CORO1C: variants seen among roughly 807,000 people sequenced by gnomAD.
CORO1C encodes coronin 1C.
A neutral mutation model predicts 51.2 loss-of-function variants in CORO1C; 14 were observed. The observed-to-expected ratio is 0.27, with a 90% confidence interval of 0.18 to 0.43. The LOEUF (loss-of-function observed/expected upper bound fraction) is 0.43, where lower values mean the gene tolerates loss of function less well. Ranked by LOEUF, CORO1C falls within the 20% of genes least tolerant of loss-of-function variation. CORO1C has a pLI of 1.00. For synonymous variants in CORO1C, 181 were observed against 210.5 expected (o/e 0.86, Z 1.21); for missense variants, 417 against 607.8 (o/e 0.69, Z 3.30).
chr12:108,649,270 T>G, intron 8 of CORO1C: 2 of 535,950 alleles, frequency 3.7e-6, no homozygotes, highest in East Asian at 3.2e-5. Context: ...GGTCTACGTA[T>G]GATGATGACA....
intron 8 of CORO1C, 115 bp from the exon 9 acceptor site, chr12:108,649,135 T>C: frequency 8.5e-7 from 1 of 1,182,838 alleles, no homozygotes; most frequent in Non-Finnish European, 1.2e-6. Context: ...TCTTTACCCA[T>C]CCCCACATCT....
intron 1 of CORO1C, among the ~76,000 whole-genome samples, chr12:108,715,237 A>G (rs1360326099): frequency 1.3e-5 from 2 of 152,068 alleles, no homozygotes; most frequent in Non-Finnish European, 2.9e-5. Flanking sequence ...GTGTCTCTTA[A>G]AAAAACAAAA....
At chr12:108,726,959 C>T (rs915061464) in intron 1 of CORO1C, among the ~76,000 whole-genome samples, 1 of 152,150 alleles carries the variant, frequency 6.6e-6, no homozygotes, top group Non-Finnish European at 1.5e-5. Context: ...GACTTGGATG[C>T]CAGAAGGGCA....
intron 6 of CORO1C, 98 bp downstream of exon 6, chr12:108,657,206 C>A (rs2033064670): frequency 6.8e-7 from 1 of 1,469,636 alleles, no homozygotes; most frequent in Non-Finnish European, 9.1e-7. Context: ...TAGAAAACTA[C>A]ACTAAGAATC....
Position 108,663,376 on chromosome 12 carries a change from C to A in CORO1C, c.319-1218G>T, listed in dbSNP as rs535149157. On this transcript the variant is annotated intron_variant, in intron 3 of 10. Transcript: ENST00000261401. Reference sequence around the variant, plus strand: ...CTATGTGTCTATGCAAAAACTTGTACAAGAATGTTCATAGAAGCATTATTT... The same window carrying A: ...CTATGTGTCTATGCAAAAACTTGTAAAAGAATGTTCATAGAAGCATTATTT... Among the ~76,000 whole-genome samples, 8 of 152,292 alleles carry A rather than the reference C, an allele frequency of 5.3e-5. No homozygotes were observed. In the South Asian group the frequency reaches 8.3e-4, roughly 16 times the overall value.
At chr12:108,714,277 T>G (rs539262977) in intron 1 of CORO1C, among the ~76,000 whole-genome samples, 2 of 151,702 alleles carry the variant, frequency 1.3e-5, no homozygotes, top group South Asian at 4.2e-4. Flanking sequence ...TAGTCCCAGC[T>G]ACTCGGGAGG....
chr12:108,647,446 C>T lies in CORO1C; in HGVS notation c.1382G>A (p.Arg461His), dbSNP rs889648907. ...IKDTICNQDE[R>H]ISKLEQQMAK... ...CATCTGCTGTTCTAACTTGGAAATA[C>T]GCTCATCTTGATTGCAGATTGTGTC... The change falls in exon 11 of 11, where the codon CGT (arginine) becomes CAT (histidine). Residue 461 changes from arginine (R) to histidine (H), a missense_variant. By Grantham distance (29) the Arg-to-His change is conservative. Transcript: ENST00000261401. 1.2e-6 allele frequency: 2 copies of T among 1,613,078 alleles called. No individual in the cohort carries two copies. Among genetic ancestry groups the T allele is most frequent in the African/African-American group, 1.3e-5 (1 of 74,858 alleles).
intron 3 of CORO1C, among the ~76,000 whole-genome samples, chr12:108,675,558 T>G (rs987761550): frequency 2.6e-5 from 4 of 152,182 alleles, no homozygotes; most frequent in Non-Finnish European, 5.9e-5. Flanking sequence ...TCTTGAGAAC[T>G]AGGTAAATAA....
intron 1 of CORO1C, among the ~76,000 whole-genome samples, chr12:108,704,016 G>A (rs1389135345): frequency 1.3e-5 from 2 of 152,162 alleles, no homozygotes; most frequent in Non-Finnish European, 2.9e-5. Context: ...ATTTGAGGAA[G>A]GCCTCTCACT....
At chr12:108,710,506 G>A (rs2035148992) in intron 1 of CORO1C, among the ~76,000 whole-genome samples, 1 of 151,530 alleles carries the variant, frequency 6.6e-6, no homozygotes, top group South Asian at 2.1e-4. Flanking sequence ...TGTAAAAGCT[G>A]ATAACTAATA....
At chr12:108,681,039 G>A (rs570210514) in intron 2 of CORO1C, among the ~76,000 whole-genome samples, 2 of 151,690 alleles carry the variant, frequency 1.3e-5, no homozygotes, top group South Asian at 4.2e-4. Flanking sequence ...CTTGTCTCAC[G>A]TTGCCTAGGC....
chr12:108,705,231 C>T lies in CORO1C; in HGVS notation c.-5-3908G>A, dbSNP rs568291860. Among the ~76,000 whole-genome samples, 37 of 152,212 alleles carry T rather than the reference C, an allele frequency of 2.4e-4. No homozygotes were observed. The East Asian group carries it at 6.6e-3, about 27-fold the overall frequency. On this transcript the variant is annotated intron_variant, in intron 1 of 10. Coordinates refer to ENST00000261401, the MANE Select transcript of CORO1C (RefSeq NM_014325.4). ...TGGTGGCTCACGCCTGTAATCCCCA[C>T]ACTTTGGGAGGCCGAGGAAGGCAGA...
intron 3 of CORO1C, among the ~76,000 whole-genome samples, chr12:108,666,221 T>C (rs1394086268): frequency 6.6e-6 from 1 of 151,876 alleles, no homozygotes; most frequent in Non-Finnish European, 1.5e-5. Context: ...GCATGCAGCA[T>C]TTAAACAATG....
chr12:108,695,955 T>C (rs770619286), intron 2 of CORO1C, among the ~76,000 whole-genome samples: 8 of 149,184 alleles, frequency 5.4e-5, no homozygotes, highest in African/African-American at 7.4e-5. Flanking sequence ...AGTTGAAAAA[T>C]TGTTCACAGA....
At chr12:108,700,765 C>G (rs1227829066) in intron 2 of CORO1C, among the ~76,000 whole-genome samples, 1 of 152,088 alleles carries the variant, frequency 6.6e-6, no homozygotes, top group Non-Finnish European at 1.5e-5. Flanking sequence ...GTTTTTAAAA[C>G]TTTACTTTGG....
intron 8 of CORO1C, chr12:108,649,776 C>G (rs934690144): frequency 6.6e-6 from 1 of 152,240 alleles, no homozygotes; most frequent in South Asian, 2.1e-4. Context: ...AAAAAAGTCT[C>G]TAAAGCTCCT....
chr12:108,671,733 AAG>A lies in CORO1C; in HGVS notation c.318+6537_318+6538del, dbSNP rs1200899695. 5.9e-5 allele frequency among the ~76,000 whole-genome samples: 9 copies of A among 152,312 alleles called. No homozygotes were observed. In the East Asian group the frequency reaches 1.7e-3, roughly 29 times the overall value. On this transcript the variant is annotated intron_variant, in intron 3 of 10. Coordinates refer to ENST00000261401, the MANE Select transcript of CORO1C (RefSeq NM_014325.4). ...AATGGAATAAGGTATTTAGTTACTC[AAG>A]GAAAAACTGTGAGTCAATAATTTTA...
At chr12:108,690,039 T>C (rs1018960674) in intron 2 of CORO1C, among the ~76,000 whole-genome samples, 6 of 152,204 alleles carry the variant, frequency 3.9e-5, no homozygotes, top group Non-Finnish European at 5.9e-5. Flanking sequence ...TTTATGTGGA[T>C]ACATGTTTTG....
At chr12:108,684,384 T>C (rs186210280) in intron 2 of CORO1C, among the ~76,000 whole-genome samples, 12 of 152,112 alleles carry the variant, frequency 7.9e-5, no homozygotes, top group African/African-American at 2.9e-4. Context: ...TGGTAACAGG[T>C]AGAGGTGAGG....
Sources: allele counts gnomAD v4.1 joint callset (sites outside exome capture counted in the v4.1 genomes callset), GRCh38; gene constraint gnomAD v4.1.1; transcripts MANE v1.5; gene names NCBI Gene and HGNC (gene_info 2026-07-23, HGNC 2026-07-21).